Variants in PCED1A observed in about 807,000 individuals in gnomAD.
The protein encoded by PCED1A is PC-esterase domain containing 1A.
Under a neutral mutation model 41.9 loss-of-function variants are expected in PCED1A, and 20 were observed. The observed-to-expected ratio is 0.48, with a 90% CI of 0.34 to 0.69. The LOEUF (loss-of-function observed/expected upper bound fraction) is 0.69, where lower values mean the gene tolerates loss of function less well. Among genes scored for constraint, PCED1A ranks in the 30% least tolerant of loss-of-function variants. PCED1A has a pLI of 0.01. For missense variants in PCED1A, 498 were observed against 602.1 expected, an observed-to-expected ratio of 0.83 and a Z score of 1.81; for synonymous variants, 236 against 241.3, an observed-to-expected ratio of 0.98 and a Z score of 0.20.
chr20:2,840,244 C>G lies in PCED1A; in HGVS notation c.-55G>C, dbSNP rs756566668. On this transcript the variant is annotated 5_prime_UTR_variant, in exon 1 of 8. Transcript: ENST00000360652. ...GGGGCTCCGCGGTGTTCACCCGCGA[C>G]CCGGGTATGCCTGCGCACCGCGCGC... 3.4e-4 allele frequency: 90 copies of G among 261,450 alleles called. No individual in the cohort carries two copies. The highest frequency in any genetic ancestry group is 5.9e-4 in the Non-Finnish European group (82 of 139,030). The allele number at this position is 261,450 out of a possible 1,614,324, so 16.2% of individuals were successfully genotyped here.
Position 2,836,303 on chromosome 20 carries a change from C to T in PCED1A, c.853G>A (p.Glu285Lys), listed in dbSNP as rs2088834748. The T allele has an allele frequency of 1.5e-5, 24 of 1,613,952 alleles. No homozygotes were observed. The highest frequency in any genetic ancestry group is 1.9e-5 in the Non-Finnish European group (23 of 1,179,982). Reference sequence around the variant, plus strand: ...GGATGATTCATCTCTGCCCAGTCCTCAATCCACGGGTCTAGGAATGGGATG... The same window carrying T: ...GGATGATTCATCTCTGCCCAGTCCTTAATCCACGGGTCTAGGAATGGGATG... Reference protein sequence around the residue: ...KRGYPPDPWIEDWAEMNHPFQ... With the variant: ...KRGYPPDPWIKDWAEMNHPFQ... Residue 285 changes from glutamate (E) to lysine (K), a missense_variant, in exon 7 of 8, where the codon GAG becomes AAG. By Grantham distance (56) the Glu-to-Lys change is moderately conservative. Around this residue, in one of 2 missense-constraint regions of PCED1A, gnomAD observed 245 missense variants for 232.4 expected, o/e 1.05. Coordinates refer to ENST00000360652, the MANE Select transcript of PCED1A (RefSeq NM_022760.6).
rs867369879 is a variant in PCED1A at position 2,838,409 on chromosome 20, C to T, written c.664G>A (p.Gly222Arg). ...TCTAGGACATCAAAGCAGTGGTCCCCGGCCAGCGTAGCACTGTAGAAGTTC... is the reference window on the plus strand; with the variant it reads ...TCTAGGACATCAAAGCAGTGGTCCCTGGCCAGCGTAGCACTGTAGAAGTTC... The part of the protein sequence containing the change: ...EGNFYSATLA[G>R]DHCFDVLDLH... The change falls in exon 6 of 8, where the codon GGG becomes AGG. Residue 222 changes from glycine (G) to arginine (R), a missense_variant. By Grantham distance (125) the Gly-to-Arg change is moderately radical (BLOSUM62 -2). Around this residue, in one of 2 missense-constraint regions of PCED1A, gnomAD observed 253 missense variants for 369.7 expected, o/e 0.68. Coordinates refer to ENST00000360652, the MANE Select transcript of PCED1A (RefSeq NM_022760.6). This position sits in a 1 kb window ranked among gnomAD's most constrained non-coding sequence, Gnocchi z 5.8. 7.4e-6 allele frequency: 12 copies of T among 1,614,220 alleles called. No individual in the cohort carries two copies. The highest frequency in any genetic ancestry group is 1.3e-5 in the African/African-American group (1 of 75,054).
chr20:2,835,931 C>T, intron 7 of PCED1A, 108 bp downstream of exon 7: 1 of 1,446,014 alleles, frequency 6.9e-7, no homozygotes, highest in Non-Finnish European at 9.1e-7. Flanking sequence ...GTGACCAAAC[C>T]CAGTGCTAGG....
At position 2,838,837 on chromosome 20, in the gene PCED1A, C is replaced by T. The variant is rs2088885966; in HGVS notation, c.443+7G>A. ...CCAACCAGTATTCCCCTTTCCCTCG[C>T]CCCAACCTGGAGAGATCCCAGAGGC... On this transcript the variant is annotated splice_region_variant and intron_variant, in intron 4 of 7. Coordinates refer to ENST00000360652, the MANE Select transcript of PCED1A (RefSeq NM_022760.6). This position sits in a 1 kb window ranked among gnomAD's most constrained non-coding sequence, Gnocchi z 5.8. 2.5e-6 allele frequency: 4 copies of T among 1,614,204 alleles called. No homozygotes were observed. The highest frequency in any genetic ancestry group is 3.4e-6 in the Non-Finnish European group (4 of 1,180,036).
rs1197324086 is a variant in PCED1A, at chr20:2,835,696, T to A, written c.1131A>T (p.Gly377=). The change falls in exon 8 of 8, where the codon GGA becomes GGT. Residue 377 remains glycine, a synonymous_variant. Coordinates refer to ENST00000360652, the MANE Select transcript of PCED1A (RefSeq NM_022760.6). ...SMPPHLGCGP[G]VNFVPGPLPP... is the part of the protein sequence containing the mutation. Reference sequence around the variant, plus strand: ...GCAGAGGGCCAGGCACAAAGTTCACTCCAGGGCCACATCCTACAAAAGAAC... The same window carrying A: ...GCAGAGGGCCAGGCACAAAGTTCACACCAGGGCCACATCCTACAAAAGAAC... 6.4e-7 allele frequency: 1 copy of A among 1,560,528 alleles called. No individual in the cohort carries two copies. Among genetic ancestry groups the A allele is most frequent in the South Asian group, 1.2e-5 (1 of 83,864 alleles).
chr20:2,838,846 G>A lies in PCED1A; in HGVS notation c.441C>T (p.Ser147=). The part of the protein sequence containing the change: ...VIINSCLWDL[S]RYGRCSMESY... Reference sequence around the variant, plus strand: ...ATTCCCCTTTCCCTCGCCCCAACCTGGAGAGATCCCAGAGGCAGGAGTTGA... The same window carrying A: ...ATTCCCCTTTCCCTCGCCCCAACCTAGAGAGATCCCAGAGGCAGGAGTTGA... Residue 147 remains serine, a splice_region_variant and synonymous_variant, in exon 4 of 8, where the codon TCC becomes TCT. Transcript: ENST00000360652. This position sits in a 1 kb window ranked among gnomAD's most constrained non-coding sequence, Gnocchi z 5.8. 1 of 1,614,152 alleles carries A rather than the reference G, an allele frequency of 6.2e-7. No individual in the cohort carries two copies. Among genetic ancestry groups the A allele is most frequent in the Non-Finnish European group, 8.5e-7 (1 of 1,180,026 alleles).
In PCED1A at chr20:2,838,601, G is replaced by A. The variant is rs754155776; in HGVS notation, c.589C>T (p.Pro197Ser). Residue 197 changes from proline to serine, a missense_variant, in exon 5 of 8, where the codon CCA becomes TCA. Pro to Ser is a moderately conservative substitution (Grantham distance 74, BLOSUM62 -1). This residue lies in a region of PCED1A where 253 missense variants were observed against 369.7 expected (regional missense o/e 0.68). Coordinates refer to ENST00000360652, the MANE Select transcript of PCED1A (RefSeq NM_022760.6). The surrounding 1 kb of genome is among the most constrained non-coding windows in gnomAD (Gnocchi z 5.8). ...GERITGGFLL[P>S]ELQPLAGSLR... is the part of the protein sequence containing the mutation. ...GATGGGCCTCAGTCACTTGCCTCTGGCAGGAGGAAACCCCCAGTGATACGT... is the reference window on the plus strand; with the variant it reads ...GATGGGCCTCAGTCACTTGCCTCTGACAGGAGGAAACCCCCAGTGATACGT... 19 of 1,614,206 alleles carry A rather than the reference G, an allele frequency of 1.2e-5. No homozygotes were observed. The East Asian group carries it at 4.2e-4, about 36-fold the overall frequency.
At position 2,838,708 on chromosome 20, in the gene PCED1A, A is replaced by G. The variant is rs2088882107; in HGVS notation, c.482T>C (p.Leu161Pro). Residue 161 changes from leucine (L) to proline (P), a missense_variant, in exon 5 of 8, where the codon CTG becomes CCG. Leu to Pro is a moderately conservative substitution (Grantham distance 98). Transcript: ENST00000360652. The surrounding 1 kb of genome is among the most constrained non-coding windows in gnomAD (Gnocchi z 5.8). ...RCSMESYRENLERVFVRMDQV... is the reference protein window; with the variant it reads ...RCSMESYRENPERVFVRMDQV... ...GTCCATGCGCACAAACACCCGCTCC[A>G]GGTTCTCCCGGTAGCTCTCCATTGA... 6.2e-7 allele frequency: 1 copy of G among 1,614,082 alleles called. No individual in the cohort carries two copies. The highest frequency in any genetic ancestry group is 1.7e-5 in the Admixed American group (1 of 60,008).
chr20:2,838,129 G>A lies in PCED1A; in HGVS notation c.841+103C>T. 1 of 1,552,422 alleles carries A rather than the reference G, an allele frequency of 6.4e-7. No homozygotes were observed. The highest frequency in any genetic ancestry group is 1.2e-5 in the South Asian group (1 of 84,694). On this transcript the variant is annotated intron_variant, in intron 6 of 7. Transcript: ENST00000360652. This position sits in a 1 kb window ranked among gnomAD's most constrained non-coding sequence, Gnocchi z 5.8. Reference sequence around the variant, plus strand: ...GCAGAAGCCACAGGAGTCCTTCAAGGGACCTCTACTTCCCTTGAGTGGCTG... The same window carrying A: ...GCAGAAGCCACAGGAGTCCTTCAAGAGACCTCTACTTCCCTTGAGTGGCTG...
upstream of PCED1A, chr20:2,841,014 G>A (rs904352663): frequency 1.3e-5 from 8 of 603,408 alleles, no homozygotes; most frequent in Non-Finnish European, 2.3e-5. Context: ...CCCTGCTCCA[G>A]AAAAGGAAAC....
In PCED1A at chr20:2,839,084, T is replaced by TGGCCCC; in HGVS notation, c.205-3_205-2insGGGGCC. The TGGCCCC allele has an allele frequency of 1.4e-6, 1 of 725,254 alleles. No homozygotes were observed. Among genetic ancestry groups the TGGCCCC allele is most frequent in the Non-Finnish European group, 1.9e-6 (1 of 522,222 alleles). 44.9% of individuals were successfully genotyped at this position (725,254 alleles called of 1,614,324 possible). ...GTCCTGTTCAAAGCTCAGCTCCCCC[T>TGGCCCC]ACCCACCCCCCCCACCCTACTGGTC... On this transcript the variant is annotated splice_region_variant and splice_polypyrimidine_tract_variant and intron_variant, in intron 3 of 7. Transcript: ENST00000360652.
intron 6 of PCED1A, 150 bp from the exon 7 acceptor site, chr20:2,836,464 C>T: frequency 1.4e-6 from 1 of 709,180 alleles, no homozygotes. Flanking sequence ...TTTCCTCATT[C>T]CCTCTCATTT....
chr20:2,840,131 T>C, intron 1 of PCED1A, 80 bp downstream of exon 1: 1 of 473,738 alleles, frequency 2.1e-6, no homozygotes, highest in Non-Finnish European at 3.6e-6. Context: ...ACTGGGGAGC[T>C]TCCCGCGCGG....
rs2088810272 is a variant in PCED1A, at chr20:2,835,587, T to C, written c.1240A>G (p.Ser414Gly). The C allele has an allele frequency of 6.2e-7, 1 of 1,614,172 alleles. No individual in the cohort carries two copies. Among genetic ancestry groups the C allele is most frequent in the South Asian group, 1.1e-5 (1 of 91,088 alleles). Residue 414 changes from serine (S) to glycine (G), a missense_variant, in exon 8 of 8, where the codon AGC becomes GGC. Physicochemically the swap from Ser to Gly is moderately conservative, Grantham distance 56. Transcript: ENST00000360652. ...CCCATTCTCCGCACATGGTAGGGGC[T>C]GTTAGGAACATAGCGTGGCATCCCC... ...HRGMPRYVPN[S>G]PYHVRRMGGP...
chr20:2,840,738 T>A (rs555442999), upstream of PCED1A: 70 of 1,546,450 alleles, frequency 4.5e-5, 1 homozygote, highest in South Asian at 7.6e-4. Context: ...TAGGTGGGTG[T>A]CCCCTCGGTG....
At chr20:2,840,889 C>T, upstream of PCED1A, 1 of 1,329,542 alleles carries the variant, frequency 7.5e-7, no homozygotes. Flanking sequence ...CGGCTGGAGT[C>T]TCCCGGCGGC....
At position 2,835,610 on chromosome 20, in the gene PCED1A, C is replaced by A. The variant is rs2088811260; in HGVS notation, c.1217G>T (p.Gly406Val). The change falls in exon 8 of 8, where the codon GGG (glycine) becomes GTG (valine). Residue 406 changes from glycine (G) to valine (V), a missense_variant. Around this residue, in one of 2 missense-constraint regions of PCED1A, gnomAD observed 245 missense variants for 232.4 expected, o/e 1.05. Coordinates refer to ENST00000360652, the MANE Select transcript of PCED1A (RefSeq NM_022760.6). ...GQHWGPVVHR[G>V]MPRYVPNSPY... The stretch of plus-strand genomic sequence containing the variant: ...GCTGTTAGGAACATAGCGTGGCATC[C>A]CCCGGTGGACCACTGGGCCCCAGTG... 2 of 1,613,444 alleles carry A rather than the reference C, an allele frequency of 1.2e-6. No individual in the cohort carries two copies. The highest frequency in any genetic ancestry group is 1.7e-6 in the Non-Finnish European group (2 of 1,179,500).
In PCED1A at chr20:2,840,499, C is replaced by T; in HGVS notation, c.-310G>A. On this transcript the variant is annotated 5_prime_UTR_variant, in exon 1 of 8. Coordinates refer to ENST00000360652, the MANE Select transcript of PCED1A (RefSeq NM_022760.6). ...CTTCCACTTCCGTTCACCCATGTCC[C>T]GCCCTGAGCGACCCCCAGTGCCCGA... 1 of 538,226 alleles carries T rather than the reference C, an allele frequency of 1.9e-6. No homozygotes were observed. The highest frequency in any genetic ancestry group is 3.3e-6 in the Non-Finnish European group (1 of 303,406). 33.3% of individuals were successfully genotyped at this position (538,226 alleles called of 1,614,324 possible).
chr20:2,835,613 CG>C lies in PCED1A; in HGVS notation c.1213del (p.Arg405GlyfsTer31), dbSNP rs1568614248. On this transcript the variant is annotated frameshift_variant, in exon 8 of 8. Coordinates refer to ENST00000360652, the MANE Select transcript of PCED1A (RefSeq NM_022760.6). LOFTEE classifies it high-confidence loss of function. ...GTTAGGAACATAGCGTGGCATCCCC[CG>C]GTGGACCACTGGGCCCCAGTGCTGA... is the stretch of plus-strand genomic sequence containing the variant. The part of the protein sequence containing the change: ...HGQHWGPVVH[R>X]GMPRYVPNSP... 1 of 1,613,346 alleles carries C rather than the reference CG, an allele frequency of 6.2e-7. No homozygotes were observed. Among genetic ancestry groups the C allele is most frequent in the Non-Finnish European group, 8.5e-7 (1 of 1,179,404 alleles).
Sources: gnomAD v4.1 joint callset for allele counts on GRCh38, gnomAD v4.1.1 for gene constraint, gnomAD v4.1.1 regional missense constraint, Gnocchi (gnomAD v3.1) non-coding constraint, MANE v1.5 for transcripts, NCBI Gene and HGNC (gene_info 2026-07-23, HGNC 2026-07-21) for gene names.